The following SLC16A14 variants were observed in gnomAD, a reference collection of about 807,000 sequenced individuals.
SLC16A14 encodes the protein monocarboxylate transporter 14.
Under a neutral mutation model 35.8 loss-of-function variants are expected in SLC16A14, and 14 were observed. The ratio of observed to expected loss-of-function variants is 0.39; its 90% CI spans 0.26 to 0.61. SLC16A14 has a LOEUF of 0.61. Among genes scored for constraint, SLC16A14 ranks in the 20% least tolerant of loss-of-function variants. The probability of loss-of-function intolerance (pLI) is 0.51; values close to 1 mark genes in which losing one functional copy is unlikely to be tolerated. For missense variants in SLC16A14, 533 were observed against 655.0 expected, an observed-to-expected ratio of 0.81 and a Z score of 2.03; for synonymous variants, 248 against 258.9, an observed-to-expected ratio of 0.96 and a Z score of 0.40.
Position 230,045,946 on chromosome 2 carries a change from G to C in SLC16A14, c.1180C>G (p.Leu394Val), listed in dbSNP as rs1312235015. Residue 394 changes from leucine (L) to valine (V), a missense_variant, in exon 4 of 5, where the codon CTC becomes GTC. By Grantham distance (32) the Leu-to-Val change is conservative. Transcript: ENST00000295190. The stretch of plus-strand genomic sequence containing the variant: ...ATCAACGGCAGAATAAAAATACTGA[G>C]GACAAGGGTGAAGTTGGCCAACAGG... ...VFLLANFTLV[L>V]SIFILPLMHT... The C allele has an allele frequency of 3.1e-6, 5 of 1,612,930 alleles. No individual in the cohort carries two copies. Among genetic ancestry groups the C allele is most frequent in the Non-Finnish European group, 8.5e-7 (1 of 1,179,044 alleles).
chr2:230,052,181 C>T (rs922186201), intron 2 of SLC16A14, among the ~76,000 whole-genome samples: 9 of 151,912 alleles, frequency 5.9e-5, no homozygotes, highest in South Asian at 2.1e-4. Context: ...GTGATCCGCC[C>T]GTCTCGGCCT....
intron 1 of SLC16A14, among the ~76,000 whole-genome samples, chr2:230,061,308 G>T (rs974631398): frequency 1.3e-5 from 2 of 152,144 alleles, no homozygotes; most frequent in African/African-American, 2.4e-5. Flanking sequence ...AAATTAGCTG[G>T]TTCTAATTTC....
At chr2:230,040,132 TCC>T (rs1452498774) in intron 4 of SLC16A14, among the ~76,000 whole-genome samples, 1 of 152,158 alleles carries the variant, frequency 6.6e-6, no homozygotes, top group African/African-American at 2.4e-5. Flanking sequence ...CTTTTCCCCA[TCC>T]CATCCTTCAT....
Position 230,037,338 on chromosome 2 carries a change from C to T in SLC16A14, c.*42G>A. ...CCTCACAGCAACCATGCGAGGTAGG[C>T]ATGAGTATTACAATGAAACCTACAC... On this transcript the variant is annotated 3_prime_UTR_variant, in exon 5 of 5. Coordinates refer to ENST00000295190, the MANE Select transcript of SLC16A14 (RefSeq NM_152527.5). 2 of 1,523,892 alleles carry T rather than the reference C, an allele frequency of 1.3e-6. No homozygotes were observed. The highest frequency in any genetic ancestry group is 2.4e-5 in the East Asian group (1 of 41,962). 94.4% of individuals were successfully genotyped at this position (1,523,892 alleles called of 1,614,324 possible).
At position 230,059,183 on chromosome 2, in the gene SLC16A14, A is replaced by G; in HGVS notation, c.170T>C (p.Leu57Pro). 3 of 1,614,180 alleles carry G rather than the reference A, an allele frequency of 1.9e-6. No individual in the cohort carries two copies. Among genetic ancestry groups the G allele is most frequent in the Non-Finnish European group, 2.5e-6 (3 of 1,180,034 alleles). ...GAATTCTTCCAGCCATTCCACGTTGAGGACACCCAGGGCCATCTGGGAGCC... is the reference window on the plus strand; with the variant it reads ...GAATTCTTCCAGCCATTCCACGTTGGGGACACCCAGGGCCATCTGGGAGCC... ...IMGSQMALGV[L>P]NVEWLEEFHQ... Residue 57 changes from leucine (L) to proline (P), a missense_variant, in exon 2 of 5, where the codon CTC (leucine) becomes CCC (proline). Transcript: ENST00000295190.
chr2:230,047,675 T>C (rs1046539963), intron 3 of SLC16A14, among the ~76,000 whole-genome samples: 28 of 152,220 alleles, frequency 1.8e-4, no homozygotes, highest in African/African-American at 6.8e-4. Flanking sequence ...TACAATATGG[T>C]GACTGTAGTT....
At chr2:230,059,675 A>G (rs2077735868) in intron 1 of SLC16A14, among the ~76,000 whole-genome samples, 1 of 152,246 alleles carries the variant, frequency 6.6e-6, no homozygotes, top group Admixed American at 6.5e-5. Context: ...GGAAACTAGG[A>G]TTTGACCCCA....
chr2:230,059,456 C>T, intron 1 of SLC16A14, 90 bp from the exon 2 acceptor site: 1 of 966,732 alleles, frequency 1.0e-6, no homozygotes, highest in South Asian at 1.8e-5. Context: ...CCATCAGGGT[C>T]AAAGTGGCTC....
chr2:230,067,567 T>TCACACA (rs1409871891), intron 1 of SLC16A14, among the ~76,000 whole-genome samples: 89 of 110,634 alleles, frequency 8.0e-4, no homozygotes, highest in African/African-American at 2.7e-3. Flanking sequence ...TCTCTCTCTC[T>TCACACA]CTCTCACACA....
At chr2:230,058,909 A>G (rs2077728615) in intron 2 of SLC16A14, 185 bp downstream of exon 2, 24 of 773,858 alleles carry the variant, frequency 3.1e-5, no homozygotes, top group Non-Finnish European at 3.8e-5. Flanking sequence ...CTGGGATTAC[A>G]GGTGTGAGTC....
At chr2:230,044,704 T>TTGTGTG (rs751868776) in intron 4 of SLC16A14, among the ~76,000 whole-genome samples, 1,430 of 132,498 alleles carry the variant, frequency 0.011, 25 homozygotes, top group East Asian at 0.039. Flanking sequence ...AAGTCTGTAT[T>TTGTGTG]TGTGTGTGTG....
chr2:230,049,496 C>T (rs2077639531), intron 3 of SLC16A14, among the ~76,000 whole-genome samples: 1 of 152,152 alleles, frequency 6.6e-6, no homozygotes, highest in Non-Finnish European at 1.5e-5. Context: ...ATAGCATTGG[C>T]ATTTAGAACC....
At chr2:230,066,847 GA>G (rs201876034) in intron 1 of SLC16A14, 49 of 271,146 alleles carry the variant, frequency 1.8e-4, no homozygotes, top group East Asian at 1.3e-3. Flanking sequence ...GGCTGGTCTC[GA>G]AACTCTGACC....
At chr2:230,048,026 T>G (rs1341420787) in intron 3 of SLC16A14, among the ~76,000 whole-genome samples, 1 of 152,262 alleles carries the variant, frequency 6.6e-6, no homozygotes, top group Non-Finnish European at 1.5e-5. Context: ...CAGATTTATA[T>G]GGACAGTAGG....
intron 4 of SLC16A14, among the ~76,000 whole-genome samples, chr2:230,044,740 G>GTA (rs1553818069): frequency 2.8e-4 from 40 of 143,456 alleles, no homozygotes; most frequent in African/African-American, 1.1e-3. Flanking sequence ...GTGTGTGTAT[G>GTA]TGTGTGTGTG....
At chr2:230,042,089 T>G (rs1333244805) in intron 4 of SLC16A14, among the ~76,000 whole-genome samples, 2 of 152,250 alleles carry the variant, frequency 1.3e-5, no homozygotes, top group Non-Finnish European at 2.9e-5. Context: ...TTTAGCTTGC[T>G]GGCCTAGACA....
intron 4 of SLC16A14, among the ~76,000 whole-genome samples, chr2:230,044,586 A>C (rs554291961): frequency 6.6e-6 from 1 of 152,272 alleles, no homozygotes; most frequent in African/African-American, 2.4e-5. Flanking sequence ...GGCACGCGCC[A>C]AAGAATGAAA....
intron 2 of SLC16A14, among the ~76,000 whole-genome samples, chr2:230,054,735 G>A (rs1009677780): frequency 2.0e-5 from 3 of 152,014 alleles, no homozygotes; most frequent in Non-Finnish European, 4.4e-5. Flanking sequence ...AGGTGATTAC[G>A]TTTTATTAAA....
At chr2:230,056,315 C>T (rs1035727378) in intron 2 of SLC16A14, among the ~76,000 whole-genome samples, 14 of 145,064 alleles carry the variant, frequency 9.7e-5, no homozygotes, top group Non-Finnish European at 1.3e-4. Flanking sequence ...AGTGCAGTGG[C>T]GCCATCTCGG....
Sources: gnomAD v4.1 joint callset for allele counts (sites outside exome capture counted in the v4.1 genomes callset) on GRCh38, gnomAD v4.1.1 for gene constraint, MANE v1.5 for transcripts, NCBI Gene and HGNC (gene_info 2026-07-23, HGNC 2026-07-21) for gene names.